The following SACS variants were observed in gnomAD, a reference collection of about 807,000 sequenced individuals.
SACS encodes the protein sacsin.
A neutral mutation model predicts 348.0 loss-of-function variants in SACS; 197 were observed. That is an observed-to-expected ratio of 0.57 (90% CI 0.50 to 0.64). The LOEUF is 0.64. Among genes scored for constraint, SACS ranks in the 30% least tolerant of loss-of-function variants. The pLI, the probability that SACS is intolerant of heterozygous loss-of-function variation, is 0.00. For missense variants in SACS, 4,999 were observed against 5,360.8 expected, an observed-to-expected ratio of 0.93 and a Z score of 2.11; for synonymous variants, 1,985 against 1,910.6, an observed-to-expected ratio of 1.04 and a Z score of -1.02.
intron 1 of SACS, chr13:23,427,838 G>A (rs1347818587): frequency 2.0e-5 from 3 of 152,266 alleles, no homozygotes; most frequent in African/African-American, 7.2e-5. Flanking sequence ...CGAGGACGAG[G>A]ACGGGACAAG....
intron 2 of SACS, among the ~76,000 whole-genome samples, chr13:23,401,970 G>T (rs150362519): frequency 0.038 from 5,731 of 152,232 alleles, 363 homozygotes; most frequent in African/African-American, 0.13. Context: ...ATGAGGTCAG[G>T]AGATTGAGAC....
chr13:23,409,214 G>C (rs1425448246), intron 2 of SACS, among the ~76,000 whole-genome samples: 2 of 147,980 alleles, frequency 1.4e-5, no homozygotes, highest in South Asian at 4.4e-4. Context: ...CCACCACCAC[G>C]CCCAGCTAGT....
chr13:23,394,118 C>T (rs993607594), intron 2 of SACS, among the ~76,000 whole-genome samples: 6 of 152,190 alleles, frequency 3.9e-5, no homozygotes, highest in Non-Finnish European at 7.3e-5. Flanking sequence ...GAACCAACCA[C>T]GTGATTAATG....
chr13:23,353,134 C>T (rs919376534), intron 9 of SACS, among the ~76,000 whole-genome samples: 2 of 152,122 alleles, frequency 1.3e-5, no homozygotes, highest in African/African-American at 2.4e-5. Flanking sequence ...AAAATTAGAA[C>T]CATGTTGACT....
At chr13:23,421,739 G>A (rs1873950715) in intron 1 of SACS, among the ~76,000 whole-genome samples, 1 of 151,780 alleles carries the variant, frequency 6.6e-6, no homozygotes, top group South Asian at 2.1e-4. Flanking sequence ...TGTCCACTGG[G>A]AACTGGATGT....
chr13:23,411,318 C>G lies in SACS; in HGVS notation c.-79G>C, dbSNP rs1442339381. On this transcript the variant is annotated 5_prime_UTR_variant, in exon 2 of 10. Transcript: ENST00000382292. ...CTTCTGTTTAAGTCTTCCCTCTGTG[C>G]TTCCTTTAAATGTGTACTCCAAGTT... The G allele has an allele frequency of 7.3e-7, 1 of 1,368,372 alleles. No homozygotes were observed. The highest frequency in any genetic ancestry group is 1.0e-6 in the Non-Finnish European group (1 of 957,120). The allele number at this position is 1,368,372 out of a possible 1,614,324, so 84.8% of individuals were successfully genotyped here. A position where few individuals can be genotyped will look rare whatever the true frequency, so the allele number is the denominator to read the frequency against.
intron 2 of SACS, among the ~76,000 whole-genome samples, chr13:23,408,121 T>G (rs1048399471): frequency 2.6e-5 from 4 of 152,182 alleles, no homozygotes; most frequent in East Asian, 1.9e-4. Context: ...CAGAATATGA[T>G]TTTGAGCAAG....
At position 23,332,928 on chromosome 13, in the gene SACS, A is replaced by G. The variant is rs1185242012; in HGVS notation, c.10948T>C (p.Leu3650=). Reference sequence around the variant, plus strand: ...CGCTCAGGACATAAGAATGGTATTAAAGATAGTTCTTTCAGAAAATTTCCA... The same window carrying G: ...CGCTCAGGACATAAGAATGGTATTAGAGATAGTTCTTTCAGAAAATTTCCA... ...LSGNFLKELS[L]IPFLCPERAP... Residue 3650 remains leucine (L), a synonymous_variant, in exon 10 of 10, where the codon TTA becomes CTA. Coordinates refer to ENST00000382292, the MANE Select transcript of SACS (RefSeq NM_014363.6). 2.5e-6 allele frequency: 4 copies of G among 1,613,812 alleles called. No homozygotes were observed. Among genetic ancestry groups the G allele is most frequent in the Non-Finnish European group, 3.4e-6 (4 of 1,179,924 alleles).
chr13:23,358,773 T>C (rs894091291), intron 6 of SACS, among the ~76,000 whole-genome samples: 1 of 152,202 alleles, frequency 6.6e-6, no homozygotes, highest in Admixed American at 6.5e-5. Flanking sequence ...AATCAGTTAC[T>C]ACTCTACGTG....
intron 2 of SACS, 160 bp from the exon 3 acceptor site, chr13:23,375,429 G>T: frequency 8.3e-7 from 1 of 1,199,220 alleles, no homozygotes; most frequent in Non-Finnish European, 1.0e-6. Context: ...CGGCCCTACC[G>T]CGTCCACAGG....
chr13:23,358,013 G>C (rs1203815101), intron 7 of SACS, among the ~76,000 whole-genome samples: 1 of 152,142 alleles, frequency 6.6e-6, no homozygotes, highest in Non-Finnish European at 1.5e-5. Context: ...TTGCAGTTTT[G>C]AAATTTTTCA....
chr13:23,406,380 G>T (rs946791418), intron 2 of SACS, among the ~76,000 whole-genome samples: 6 of 152,008 alleles, frequency 3.9e-5, no homozygotes, highest in Non-Finnish European at 7.4e-5. Flanking sequence ...GGGCCTGTCG[G>T]GGGGTGGGGA....
At chr13:23,367,338 T>C (rs1180636646) in intron 5 of SACS, among the ~76,000 whole-genome samples, 1 of 152,192 alleles carries the variant, frequency 6.6e-6, no homozygotes, top group Non-Finnish European at 1.5e-5. Flanking sequence ...AGTGCCTACC[T>C]GAGCATGACT....
Position 23,332,196 on chromosome 13 carries a change from TGACTGAATCATTCTGTA to T in SACS, c.11663_11679del (p.Leu3888GlnfsTer5). On this transcript the variant is annotated frameshift_variant, in exon 10 of 10. Transcript: ENST00000382292. LOFTEE classifies it high-confidence loss of function. ...ACATTCTCGAGATCACTCCTCACCTTGACTGAATCATTCTGTAGACTCCTGAACAGACCAGAAACTAC... is the reference window on the plus strand; with the variant it reads ...ACATTCTCGAGATCACTCCTCACCTTGACTCCTGAACAGACCAGAAACTAC... 6.2e-7 allele frequency: 1 copy of T among 1,614,066 alleles called. No homozygotes were observed. Among genetic ancestry groups the T allele is most frequent in the Non-Finnish European group, 8.5e-7 (1 of 1,179,952 alleles).
In SACS at chr13:23,332,473, A is replaced by T; in HGVS notation, c.11403T>A (p.Asp3801Glu). 2 of 1,614,040 alleles carry T rather than the reference A, an allele frequency of 1.2e-6. No individual in the cohort carries two copies. The highest frequency in any genetic ancestry group is 1.7e-6 in the Non-Finnish European group (2 of 1,179,926). Reference sequence around the variant, plus strand: ...CCTCAGGCTTCAGAAGTTTCCAACCATCTTCTACCATCACAAAAGCAACCC... The same window carrying T: ...CCTCAGGCTTCAGAAGTTTCCAACCTTCTTCTACCATCACAAAAGCAACCC... ...LRGVAFVMVEDGWKLLKPEEV... is the reference protein window; with the variant it reads ...LRGVAFVMVEEGWKLLKPEEV... The change falls in exon 10 of 10, where the codon GAT becomes GAA. Residue 3801 changes from aspartate to glutamate, a missense_variant. Asp to Glu is a conservative substitution (Grantham distance 45, BLOSUM62 2). Transcript: ENST00000382292.
intron 6 of SACS, 111 bp from the exon 7 acceptor site, chr13:23,358,592 A>T: frequency 9.3e-7 from 1 of 1,070,202 alleles, no homozygotes; most frequent in Non-Finnish European, 1.4e-6. Context: ...AATAGAGAGG[A>T]GTGAATAGAG....
Position 23,337,410 on chromosome 13 carries a change from C to G in SACS, c.6466G>C (p.Asp2156His). 6.2e-7 allele frequency: 1 copy of G among 1,612,980 alleles called. No individual in the cohort carries two copies. The highest frequency in any genetic ancestry group is 1.3e-5 in the African/African-American group (1 of 74,950). Reference sequence around the variant, plus strand: ...AGCATATCATCCCATAAAATATCATCTTTTGCCATACCTAACTGAACTAGT... The same window carrying G: ...AGCATATCATCCCATAAAATATCATGTTTTGCCATACCTAACTGAACTAGT... ...IKLVQLGMAK[D>H]DILWDDMLER... Residue 2156 changes from aspartate to histidine, a missense_variant, in exon 10 of 10, where the codon GAT (aspartate) becomes CAT (histidine). Asp to His is a moderately conservative substitution (Grantham distance 81). Around this residue, in one of 6 missense-constraint regions of SACS, gnomAD observed 3,156 missense variants for 3,380.1 expected, o/e 0.93. Transcript: ENST00000382292.
At chr13:23,362,280 A>G (rs571493634) in intron 6 of SACS, among the ~76,000 whole-genome samples, 3 of 152,250 alleles carry the variant, frequency 2.0e-5, no homozygotes, top group South Asian at 2.1e-4. Flanking sequence ...TATCCTTGAA[A>G]TCCTTAGTAA....
chr13:23,406,540 C>A (rs1447022979), intron 2 of SACS, among the ~76,000 whole-genome samples: 1 of 151,954 alleles, frequency 6.6e-6, no homozygotes, highest in Non-Finnish European at 1.5e-5. Context: ...AAAAAAAGTT[C>A]TAATATTAAG....
Sources: gnomAD v4.1 joint callset for allele counts (sites outside exome capture counted in the v4.1 genomes callset) on GRCh38, gnomAD v4.1.1 for gene constraint, gnomAD v4.1.1 regional missense constraint, MANE v1.5 for transcripts, NCBI Gene and HGNC (gene_info 2026-07-23, HGNC 2026-07-21) for gene names.